MDN1: variants seen among roughly 807,000 people sequenced by gnomAD.
MDN1 encodes the protein midasin.
MDN1 carries 266 observed loss-of-function variants against 669.2 expected under a neutral mutation model. The ratio of observed to expected loss-of-function variants is 0.40; its 90% CI spans 0.36 to 0.44. MDN1 has a LOEUF of 0.44. MDN1 is among the 20% of genes least tolerant of loss of function. The probability of loss-of-function intolerance (pLI) is 1.00; values close to 1 mark genes in which losing one functional copy is unlikely to be tolerated. For synonymous variants in MDN1, 2,385 were observed against 2,457.1 expected (o/e 0.97, Z 0.87); for missense variants, 5,940 against 6,754.0 (o/e 0.88, Z 4.22).
chr6:89,655,851 C>T lies in MDN1; in HGVS notation c.15403G>A (p.Ala5135Thr), dbSNP rs1022909629. The T allele has an allele frequency of 6.2e-7, 1 of 1,614,120 alleles. No individual in the cohort carries two copies. The highest frequency in any genetic ancestry group is 1.3e-5 in the African/African-American group (1 of 75,044). Residue 5135 changes from alanine (A) to threonine (T), a missense_variant, in exon 92 of 102, where the codon GCT becomes ACT. By Grantham distance (58) the Ala-to-Thr change is moderately conservative. Transcript: ENST00000369393. The part of the protein sequence containing the change: ...DTDSHAEQGP[A>T]QQPQAQVEDA... ...TCCACCTGGGCCTGGGGCTGCTGAG[C>T]TGGCCCCTGCTCGGCATGGCTGTCC...
chr6:89,707,265 A>G, intron 52 of MDN1, 96 bp downstream of exon 52: 1 of 830,586 alleles, frequency 1.2e-6, no homozygotes. Flanking sequence ...AAAAGAAACC[A>G]GTAAACAACA....
chr6:89,689,469 A>G (rs1257283323), intron 65 of MDN1, among the ~76,000 whole-genome samples: 2 of 152,180 alleles, frequency 1.3e-5, no homozygotes, highest in African/African-American at 2.4e-5. Flanking sequence ...CTATTAAACC[A>G]TATTCTACAA....
chr6:89,647,172 G>A (rs1808543587), intron 99 of MDN1, among the ~76,000 whole-genome samples: 2 of 152,192 alleles, frequency 1.3e-5, no homozygotes, highest in African/African-American at 4.8e-5. Context: ...AGGAAAAGAA[G>A]TGCTTCCCTG....
At chr6:89,722,449 G>C (rs1303710271) in intron 40 of MDN1, among the ~76,000 whole-genome samples, 2 of 152,206 alleles carry the variant, frequency 1.3e-5, no homozygotes, top group Admixed American at 1.3e-4. Context: ...GATTTGGATA[G>C]ATAAGCAAAT....
intron 19 of MDN1, among the ~76,000 whole-genome samples, chr6:89,757,801 T>C (rs1817328188): frequency 6.6e-6 from 1 of 151,946 alleles, no homozygotes; most frequent in African/African-American, 2.4e-5. Context: ...ATCCCAGCAC[T>C]TTGGGAGGCT....
intron 2 of MDN1, among the ~76,000 whole-genome samples, chr6:89,802,936 C>G (rs1048143380): frequency 6.6e-6 from 1 of 152,156 alleles, no homozygotes; most frequent in East Asian, 1.9e-4. Context: ...GATACTATAG[C>G]TCTTCTAATC....
At chr6:89,666,720 A>AC (rs577719937) in intron 84 of MDN1, among the ~76,000 whole-genome samples, 135 of 152,342 alleles carry the variant, frequency 8.9e-4, no homozygotes, top group African/African-American at 3.1e-3. Context: ...CTAATGCAGG[A>AC]GGACTCCTTG....
At chr6:89,699,078 G>A (rs763412908) in intron 58 of MDN1, 43 bp from the exon 59 acceptor site, 2 of 1,507,670 alleles carry the variant, frequency 1.3e-6, no homozygotes, top group Admixed American at 1.8e-5. Context: ...ACCTGAGAAA[G>A]ACTCCATAAA....
chr6:89,819,127 T>G (rs972257980), intron 1 of MDN1, among the ~76,000 whole-genome samples: 6 of 151,910 alleles, frequency 3.9e-5, no homozygotes, highest in African/African-American at 1.5e-4. Context: ...CTAACAGGAG[T>G]GGCTGCACTA....
At chr6:89,676,875 T>A (rs1414042694) in intron 76 of MDN1, among the ~76,000 whole-genome samples, 1 of 152,106 alleles carries the variant, frequency 6.6e-6, no homozygotes, top group Non-Finnish European at 1.5e-5. Context: ...GTCTCAATAG[T>A]GTATGGACTC....
At chr6:89,812,920 G>A (rs1324618507) in intron 1 of MDN1, among the ~76,000 whole-genome samples, 1 of 151,994 alleles carries the variant, frequency 6.6e-6, no homozygotes, top group African/African-American at 2.4e-5. Context: ...GCAACAAAGT[G>A]AGACTCCCCA....
At chr6:89,815,757 A>G (rs901235647) in intron 1 of MDN1, among the ~76,000 whole-genome samples, 47 of 152,262 alleles carry the variant, frequency 3.1e-4, no homozygotes, top group African/African-American at 1.1e-3. Flanking sequence ...GAGAGCTCTG[A>G]ACTCAAACCA....
At chr6:89,646,895 G>A (rs963885444) in intron 99 of MDN1, among the ~76,000 whole-genome samples, 6 of 152,144 alleles carry the variant, frequency 3.9e-5, no homozygotes, top group Non-Finnish European at 7.4e-5. Context: ...CCTGGGCTCT[G>A]CCTCAGCCTG....
rs1180139920 is a variant in MDN1 at position 89,662,776 on chromosome 6, GA to G, written c.14412+15del. ...TCCTCTCAGCTTGTTTGGGAGGGGA[GA>G]AATCTTTGAATTACCTCATCCATTC... On this transcript the variant is annotated intron_variant, in intron 86 of 101. Transcript: ENST00000369393. 6.2e-7 allele frequency: 1 copy of G among 1,613,402 alleles called. No homozygotes were observed. The highest frequency in any genetic ancestry group is 1.3e-5 in the African/African-American group (1 of 74,902).
At chr6:89,684,808 A>T in intron 71 of MDN1, 68 bp downstream of exon 71, 1 of 975,124 alleles carries the variant, frequency 1.0e-6, no homozygotes, top group Non-Finnish European at 1.6e-6. Flanking sequence ...AATGGATAAC[A>T]GGGTTAACGA....
intron 1 of MDN1, among the ~76,000 whole-genome samples, chr6:89,810,955 C>T (rs945107386): frequency 2.6e-5 from 4 of 152,194 alleles, no homozygotes; most frequent in Non-Finnish European, 4.4e-5. Context: ...CACCACTGCA[C>T]TCAAGCCTGG....
intron 61 of MDN1, among the ~76,000 whole-genome samples, chr6:89,694,606 C>T (rs370199296): frequency 6.6e-6 from 1 of 152,116 alleles, no homozygotes; most frequent in Non-Finnish European, 1.5e-5. Flanking sequence ...TGCAGTGGTG[C>T]AGTCATGGCT....
At chr6:89,750,305 G>A (rs771026864) in intron 24 of MDN1, 49 bp downstream of exon 24, 2 of 1,506,140 alleles carry the variant, frequency 1.3e-6, no homozygotes, top group Non-Finnish European at 9.1e-7. Flanking sequence ...AAGGAAATGT[G>A]TGTGAAAGAA....
rs191947125 is a variant in MDN1 at position 89,643,789 on chromosome 6, C to T, written c.*216G>A. ...AAGAAGGATAACTCTTCTCTAGTTA[C>T]GAGTTCAGGCACCTGCTGCTGCTTC... On this transcript the variant is annotated 3_prime_UTR_variant, in exon 102 of 102. Transcript: ENST00000369393. 6.9e-4 allele frequency: 305 copies of T among 442,574 alleles called. No homozygotes were observed. The highest frequency in any genetic ancestry group is 9.2e-4 in the Non-Finnish European group (233 of 253,208). The allele number at this position is 442,574 out of a possible 1,614,324, so 27.4% of individuals were successfully genotyped here. A position where few individuals can be genotyped will look rare whatever the true frequency, so the allele number is the denominator to read the frequency against.
Sources: gnomAD v4.1 joint callset for allele counts (sites outside exome capture counted in the v4.1 genomes callset) on GRCh38, gnomAD v4.1.1 for gene constraint, MANE v1.5 for transcripts, NCBI Gene and HGNC (gene_info 2026-07-23, HGNC 2026-07-21) for gene names.